The following DLGAP1 variants were observed in gnomAD, a reference collection of about 807,000 sequenced individuals.
DLGAP1 encodes disks large-associated protein 1.
In DLGAP1, 11 loss-of-function variants were observed where a neutral mutation model predicts 90.8. The observed-to-expected ratio is 0.12, with a 90% confidence interval of 0.08 to 0.20. DLGAP1 has a LOEUF of 0.20. Ranked by LOEUF, DLGAP1 falls within the 10% of genes least tolerant of loss-of-function variation. DLGAP1 has a pLI of 1.00. For missense variants in DLGAP1, 1,050 were observed against 1,333.8 expected, an observed-to-expected ratio of 0.79 and a Z score of 3.31; for synonymous variants, 558 against 540.7, an observed-to-expected ratio of 1.03 and a Z score of -0.44.
At chr18:3,562,339 T>A (rs1434642586) in intron 9 of DLGAP1, among the ~76,000 whole-genome samples, 1 of 152,064 alleles carries the variant, frequency 6.6e-6, no homozygotes, top group Non-Finnish European at 1.5e-5. Flanking sequence ...GCAACTGATA[T>A]GGTTTTGTGT....
chr18:3,843,761 G>A (rs1568227676), intron 4 of DLGAP1, among the ~76,000 whole-genome samples: 1 of 152,108 alleles, frequency 6.6e-6, no homozygotes, highest in East Asian at 1.9e-4. Flanking sequence ...AGTATAAATA[G>A]GTAACATATG....
At chr18:4,169,239 T>C (rs1221561426) in intron 1 of DLGAP1, among the ~76,000 whole-genome samples, 1 of 152,226 alleles carries the variant, frequency 6.6e-6, no homozygotes, top group African/African-American at 2.4e-5. Flanking sequence ...ATGTATAAAC[T>C]AATGGGTGTG....
At position 4,361,684 on chromosome 18, in the gene DLGAP1, T is replaced by C. The variant is rs999098975; in HGVS notation, c.-267+93322A>G. Among the ~76,000 whole-genome samples the C allele has an allele frequency of 3.3e-5, 5 of 152,154 alleles. 1 individual carries two copies. In the South Asian group the frequency reaches 1.0e-3, roughly 32 times the overall value. On this transcript the variant is annotated intron_variant, in intron 1 of 12. Coordinates refer to ENST00000315677, the MANE Select transcript of DLGAP1 (RefSeq NM_004746.4). The stretch of plus-strand genomic sequence containing the variant: ...AAACAAAAGCTTCGAAACACTTAAT[T>C]TGGCAACTATTTTTTTGATTAACAC...
At chr18:4,316,760 G>A (rs116741570) in intron 1 of DLGAP1, among the ~76,000 whole-genome samples, 4,878 of 152,244 alleles carry the variant, frequency 0.032, 175 homozygotes, top group African/African-American at 0.087. Flanking sequence ...GTGCCCCGAT[G>A]TGATTAAATT....
In DLGAP1 at chr18:3,600,947, T is replaced by TAG. The variant is rs1568279584; in HGVS notation, c.1592-18700_1592-18699insCT. Among the ~76,000 whole-genome samples the TAG allele has an allele frequency of 9.9e-4, 80 of 81,054 alleles. 22 individuals carry two copies. Among genetic ancestry groups the TAG allele is most frequent in the African/African-American group, 3.4e-3 (72 of 21,298 alleles). 53.2% of individuals were successfully genotyped at this position (81,054 alleles called of 152,430 possible). On this transcript the variant is annotated intron_variant, in intron 7 of 12. Coordinates refer to ENST00000315677, the MANE Select transcript of DLGAP1 (RefSeq NM_004746.4). ...ATATATATAGATATATAGATAGATA[T>TAG]ATAGATATATATAGATATATAGATA...
At chr18:3,684,433 C>T (rs377057028) in intron 7 of DLGAP1, among the ~76,000 whole-genome samples, 6 of 147,898 alleles carry the variant, frequency 4.1e-5, no homozygotes, top group Admixed American at 2.8e-4. Flanking sequence ...CTCTTGAGCT[C>T]GGGTAATCCT....
intron 3 of DLGAP1, among the ~76,000 whole-genome samples, chr18:3,914,600 C>T (rs1005033582): frequency 1.1e-4 from 16 of 152,154 alleles, no homozygotes; most frequent in African/African-American, 2.4e-4. Context: ...TTACTGGATT[C>T]GATGGTAGTT....
At chr18:4,333,040 T>C (rs1213205984) in intron 1 of DLGAP1, among the ~76,000 whole-genome samples, 1 of 151,982 alleles carries the variant, frequency 6.6e-6, no homozygotes, top group Admixed American at 6.6e-5. Flanking sequence ...AACTGTTTCA[T>C]AGGTGCGCTA....
intron 7 of DLGAP1, among the ~76,000 whole-genome samples, chr18:3,648,578 T>C (rs1321758408): frequency 1.3e-5 from 2 of 152,208 alleles, no homozygotes; most frequent in Non-Finnish European, 2.9e-5. Context: ...TTTTCTAAAT[T>C]CGGGCTTGAA....
At chr18:4,390,218 TGTTTTTATAGCA>T (rs2082314229) in intron 1 of DLGAP1, among the ~76,000 whole-genome samples, 1 of 151,926 alleles carries the variant, frequency 6.6e-6, no homozygotes, top group Non-Finnish European at 1.5e-5. Flanking sequence ...ATAAATCTTA[TGTTTTTATAGCA>T]GTTTTAGGTT....
chr18:3,779,792 T>G (rs1189421779), intron 5 of DLGAP1, among the ~76,000 whole-genome samples: 1 of 151,886 alleles, frequency 6.6e-6, no homozygotes, highest in African/African-American at 2.4e-5. Flanking sequence ...TTTCTTTCTT[T>G]TCTTTTTTTT....
At chr18:4,410,861 A>G (rs916812123) in intron 1 of DLGAP1, among the ~76,000 whole-genome samples, 1 of 152,214 alleles carries the variant, frequency 6.6e-6, no homozygotes, top group Non-Finnish European at 1.5e-5. Flanking sequence ...GACATGGTGT[A>G]CCACAGAGAA....
intron 10 of DLGAP1, among the ~76,000 whole-genome samples, chr18:3,514,837 G>A (rs772311491): frequency 1.3e-5 from 2 of 152,204 alleles, no homozygotes; most frequent in African/African-American, 4.8e-5. Context: ...GATGGCTGCT[G>A]TGATCAAGGT....
intron 1 of DLGAP1, among the ~76,000 whole-genome samples, chr18:4,268,407 G>C (rs967655056): frequency 6.6e-6 from 1 of 152,178 alleles, no homozygotes; most frequent in Admixed American, 6.5e-5. Context: ...GAGAAAGGGA[G>C]ATTATGAATA....
intron 4 of DLGAP1, among the ~76,000 whole-genome samples, chr18:3,826,478 G>A (rs190794375): frequency 1.3e-5 from 2 of 152,296 alleles, no homozygotes; most frequent in Admixed American, 6.5e-5. Flanking sequence ...TCTAGGTACC[G>A]ACTGACTGGA....
intron 5 of DLGAP1, among the ~76,000 whole-genome samples, chr18:3,791,515 CGTGTGT>C (rs10585847): frequency 0.15 from 21,973 of 150,328 alleles, 1,930 homozygotes; most frequent in East Asian, 0.4. Context: ...TGCACATGTG[CGTGTGT>C]GTGTGTGTGT....
chr18:3,603,145 AG>A (rs2057158027), intron 7 of DLGAP1: 1 of 152,222 alleles, frequency 6.6e-6, no homozygotes, highest in Non-Finnish European at 1.5e-5. Context: ...CCCTGCTCCG[AG>A]GTTCAGCCCA....
chr18:4,012,532 C>T (rs1020443374), intron 2 of DLGAP1, among the ~76,000 whole-genome samples: 2 of 152,062 alleles, frequency 1.3e-5, no homozygotes, highest in African/African-American at 2.4e-5. Flanking sequence ...TGGCTATCCC[C>T]AAGCTACAGA....
intron 3 of DLGAP1, among the ~76,000 whole-genome samples, chr18:3,898,820 C>T (rs918760798): frequency 1.3e-5 from 2 of 152,024 alleles, no homozygotes; most frequent in African/African-American, 4.8e-5. Context: ...TCCAATAAGA[C>T]AATAATTGAA....
Sources: gnomAD v4.1 joint callset for allele counts (sites outside exome capture counted in the v4.1 genomes callset) on GRCh38, gnomAD v4.1.1 for gene constraint, MANE v1.5 for transcripts, NCBI Gene and HGNC (gene_info 2026-07-23, HGNC 2026-07-21) for gene names.